Variants in BET1 observed in about 807,000 individuals in gnomAD.
BET1 encodes Bet1 golgi vesicular membrane trafficking protein.
BET1 carries 9 observed loss-of-function variants against 13.9 expected under a neutral mutation model. The ratio of observed to expected loss-of-function variants is 0.65; its 90% CI spans 0.39 to 1.13. The LOEUF (loss-of-function observed/expected upper bound fraction) is 1.13, where lower values mean the gene tolerates loss of function less well. Ranked by LOEUF, BET1 falls within the 50% of genes most tolerant of loss-of-function variation. The pLI, the probability that BET1 is intolerant of heterozygous loss-of-function variation, is 0.01. For missense variants in BET1, 127 were observed against 133.6 expected, an observed-to-expected ratio of 0.95 and a Z score of 0.24; for synonymous variants, 39 against 47.3, an observed-to-expected ratio of 0.82 and a Z score of 0.72.
intron 1 of BET1, among the ~76,000 whole-genome samples, chr7:94,002,539 C>A (rs1482511891): frequency 6.6e-6 from 1 of 150,968 alleles, no homozygotes; most frequent in Non-Finnish European, 1.5e-5. Context: ...TCTAATTTTA[C>A]TGGCTGAGCT....
chr7:94,000,739 A>G (rs1795884235), intron 1 of BET1, among the ~76,000 whole-genome samples: 1 of 152,180 alleles, frequency 6.6e-6, no homozygotes. Flanking sequence ...GCTTGCCAAA[A>G]GAGCGGTTGA....
chr7:94,002,782 T>G lies in BET1; in HGVS notation c.19+1416A>C, dbSNP rs574492269. Reference sequence around the variant, plus strand: ...TACTTCACCCAAACTGGCTTAATCATAATCCCTTACTTCTTTTGAGTTCCT... The same window carrying G: ...TACTTCACCCAAACTGGCTTAATCAGAATCCCTTACTTCTTTTGAGTTCCT... On this transcript the variant is annotated intron_variant, in intron 1 of 3. Coordinates refer to ENST00000222547, the MANE Select transcript of BET1 (RefSeq NM_005868.6). Among the ~76,000 whole-genome samples the G allele has an allele frequency of 5.9e-4, 90 of 152,300 alleles. No individual in the cohort carries two copies. The East Asian group carries it at 0.014, about 24-fold the overall frequency.
At chr7:93,984,365 C>T (rs1375257812) in intron 4 of BET1, among the ~76,000 whole-genome samples, 1 of 152,094 alleles carries the variant, frequency 6.6e-6, no homozygotes, top group East Asian at 1.9e-4. Context: ...TCTGGGTGTA[C>T]ATGAATCTTT....
downstream of BET1, chr7:93,993,005 A>G (rs1441521739): frequency 9.1e-6 from 9 of 984,842 alleles, no homozygotes; most frequent in Non-Finnish European, 1.1e-5. Flanking sequence ...ACCCAAACTG[A>G]CAGGTTATTA....
chr7:93,999,362 G>A, intron 1 of BET1, 68 bp from the exon 2 acceptor site: 1 of 1,533,858 alleles, frequency 6.5e-7, no homozygotes. Context: ...AGTTAGGAAA[G>A]AACTGAAAAA....
At chr7:93,997,125 T>C (rs1284554319) in intron 2 of BET1, among the ~76,000 whole-genome samples, 1 of 152,178 alleles carries the variant, frequency 6.6e-6, no homozygotes, top group Non-Finnish European at 1.5e-5. Flanking sequence ...ATCTATCTAA[T>C]ACTTTATAGG....
At chr7:93,973,000 T>C (rs889095125) in intron 5 of BET1, among the ~76,000 whole-genome samples, 1 of 151,930 alleles carries the variant, frequency 6.6e-6, no homozygotes, top group Admixed American at 6.6e-5. Flanking sequence ...TTCTTTAGTC[T>C]TTCCAACTTT....
At chr7:93,990,591 G>T (rs535075679), downstream of BET1, among the ~76,000 whole-genome samples, 1 of 151,994 alleles carries the variant, frequency 6.6e-6, no homozygotes, top group South Asian at 2.1e-4. Context: ...CAAAATCATC[G>T]ATCTTTGAGA....
chr7:93,972,729 T>C (rs1584125066), intron 5 of BET1: 1 of 151,884 alleles, frequency 6.6e-6, no homozygotes, highest in East Asian at 1.9e-4. Context: ...CCTACTATTC[T>C]AAAATAAGAA....
At chr7:93,999,123 T>C (rs371303822) in intron 2 of BET1, 47 bp downstream of exon 2, 3 of 1,373,938 alleles carry the variant, frequency 2.2e-6, no homozygotes, top group East Asian at 5.2e-5. Context: ...ATTATATGTA[T>C]AGAAATATAT....
intron 5 of BET1, chr7:93,975,824 G>T: frequency 3.0e-6 from 2 of 660,936 alleles, no homozygotes; most frequent in Non-Finnish European, 4.0e-6. Flanking sequence ...TTAATATCAT[G>T]CTCAATCACA....
intron 4 of BET1, among the ~76,000 whole-genome samples, chr7:93,985,260 G>T (rs1259169859): frequency 6.6e-6 from 1 of 152,140 alleles, no homozygotes; most frequent in Non-Finnish European, 1.5e-5. Flanking sequence ...CAAAAACAAT[G>T]CTGTGTGTGA....
At chr7:93,992,164 C>G (rs186127297), downstream of BET1, 23 of 985,264 alleles carry the variant, frequency 2.3e-5, no homozygotes, top group African/African-American at 3.8e-4. Context: ...GACAAAATGC[C>G]AGGTAGAGAC....
chr7:93,998,931 T>C (rs1445980545), intron 2 of BET1, among the ~76,000 whole-genome samples: 1 of 152,032 alleles, frequency 6.6e-6, no homozygotes, highest in Admixed American at 6.5e-5. Context: ...CAGCATACAG[T>C]ATACAAAAAA....
At chr7:93,984,281 A>T (rs536822567) in intron 4 of BET1, among the ~76,000 whole-genome samples, 9 of 151,850 alleles carry the variant, frequency 5.9e-5, no homozygotes. Flanking sequence ...GCTCACCCTA[A>T]CCCAGTGTGG....
At chr7:93,964,904 A>G (rs1248368432) in exon 7 of BET1, 1 of 152,132 alleles carries the variant, frequency 6.6e-6, no homozygotes, top group Non-Finnish European at 1.5e-5. Flanking sequence ...CCACTGTGGA[A>G]ATCAGCTTGG....
At chr7:93,987,403 G>A (rs1348458226) in intron 4 of BET1, 2 of 152,200 alleles carry the variant, frequency 1.3e-5, no homozygotes, top group Non-Finnish European at 2.9e-5. Flanking sequence ...AGAGAAACTT[G>A]CAGGAGTTGT....
intron 2 of BET1, among the ~76,000 whole-genome samples, chr7:93,997,041 G>C (rs1247349118): frequency 1.3e-5 from 2 of 151,922 alleles, no homozygotes; most frequent in Non-Finnish European, 2.9e-5. Flanking sequence ...CTTACTTCCT[G>C]AAGCTCTGAA....
chr7:93,990,933 A>C (rs1795620941), downstream of BET1, among the ~76,000 whole-genome samples: 1 of 152,136 alleles, frequency 6.6e-6, no homozygotes, highest in African/African-American at 2.4e-5. Flanking sequence ...GGCACTTTGC[A>C]TATCTCTTTG....
Sources: gnomAD v4.1 joint callset for allele counts (sites outside exome capture counted in the v4.1 genomes callset) on GRCh38, gnomAD v4.1.1 for gene constraint, MANE v1.5 for transcripts, NCBI Gene and HGNC (gene_info 2026-07-23, HGNC 2026-07-21) for gene names.